Variants in BLK observed in about 807,000 individuals in gnomAD.
BLK encodes the protein BLK proto-oncogene, Src family tyrosine kinase.
BLK carries 64 observed loss-of-function variants against 61.8 expected under a neutral mutation model. The observed-to-expected ratio is 1.03, with a 90% CI of 0.85 to 1.27. The LOEUF is 1.27. Ranked by LOEUF, BLK falls within the 50% of genes most tolerant of loss-of-function variation. The pLI is 0.00. For synonymous variants in BLK, 351 were observed against 272.0 expected (o/e 1.29, Z -2.86); for missense variants, 853 against 660.5 (o/e 1.29, Z -3.19).
intron 6 of BLK, chr8:11,553,328 T>G: frequency 2.5e-6 from 1 of 403,620 alleles, no homozygotes; most frequent in Non-Finnish European, 4.9e-6. Flanking sequence ...AATCTTCATC[T>G]CAGAGCCAGG....
intron 11 of BLK, 22 bp from the exon 12 acceptor site, chr8:11,562,957 G>A (rs765140289): frequency 6.2e-7 from 1 of 1,613,862 alleles, no homozygotes; most frequent in Non-Finnish European, 8.5e-7. Context: ...GCCTCCCAAA[G>A]CTTGCATGGC....
chr8:11,511,705 CA>C (rs1799014473), intron 1 of BLK, among the ~76,000 whole-genome samples: 2 of 152,106 alleles, frequency 1.3e-5, no homozygotes, highest in Non-Finnish European at 1.5e-5. Flanking sequence ...TGAAATACGG[CA>C]AACAGTCATG....
chr8:11,546,855 C>A (rs529091751), intron 3 of BLK, among the ~76,000 whole-genome samples: 1 of 152,220 alleles, frequency 6.6e-6, no homozygotes, highest in Non-Finnish European at 1.5e-5. Context: ...GGATTACAGG[C>A]GTGAGCCACT....
chr8:11,537,118 G>A (rs1800164631), intron 1 of BLK, among the ~76,000 whole-genome samples: 2 of 152,224 alleles, frequency 1.3e-5, no homozygotes, highest in Non-Finnish European at 1.5e-5. Flanking sequence ...AGGTGAGGAA[G>A]CCTCATTTCA....
chr8:11,548,970 G>A (rs1219306158), intron 4 of BLK, 54 bp from the exon 5 acceptor site: 18 of 1,491,878 alleles, frequency 1.2e-5, no homozygotes, highest in Non-Finnish European at 1.6e-5. Flanking sequence ...GAGCTGCCCA[G>A]TGACGGGCCT....
At chr8:11,512,594 T>C (rs1402729578) in intron 1 of BLK, among the ~76,000 whole-genome samples, 5 of 152,234 alleles carry the variant, frequency 3.3e-5, no homozygotes, top group South Asian at 4.1e-4. Context: ...ACTTTATAGA[T>C]AAAGCCATTG....
chr8:11,560,788 T>A, intron 10 of BLK: 1 of 448,802 alleles, frequency 2.2e-6, no homozygotes, highest in Non-Finnish European at 4.5e-6. Flanking sequence ...CCCCCTGCCC[T>A]GGAGACCACA....
rs1801113600 is a variant in BLK at position 11,554,794 on chromosome 8, A to G, written c.524A>G (p.Lys175Arg). Reference sequence around the variant, plus strand: ...GTCACCACCCAGGGGGAGCTGATCAAGCACTATAAGATCCGCTGCCTGGAT... The same window carrying G: ...GTCACCACCCAGGGGGAGCTGATCAGGCACTATAAGATCCGCTGCCTGGAT... ...KDVTTQGELI[K>R]HYKIRCLDEG... Residue 175 changes from lysine to arginine, a missense_variant, in exon 7 of 13, where the codon AAG becomes AGG. Transcript: ENST00000259089. 1.2e-6 allele frequency: 2 copies of G among 1,614,088 alleles called. No individual in the cohort carries two copies. The highest frequency in any genetic ancestry group is 1.7e-6 in the Non-Finnish European group (2 of 1,180,018).
chr8:11,556,936 G>T (rs995140875), intron 9 of BLK, 99 bp downstream of exon 9: 3 of 1,362,550 alleles, frequency 2.2e-6, no homozygotes, highest in African/African-American at 1.5e-5. Context: ...CAGGCCAGGG[G>T]GTCCTGCAGA....
intron 1 of BLK, among the ~76,000 whole-genome samples, chr8:11,536,374 C>A (rs956354824): frequency 1.6e-4 from 24 of 152,144 alleles, no homozygotes; most frequent in Middle Eastern, 3.4e-3. Flanking sequence ...TAGAAGAGTT[C>A]TATTATTATT....
chr8:11,502,851 T>C (rs1467400121), intron 1 of BLK, among the ~76,000 whole-genome samples: 2 of 152,034 alleles, frequency 1.3e-5, no homozygotes, highest in African/African-American at 4.8e-5. Flanking sequence ...TGACCCTGCT[T>C]TGTGCTCGGT....
intron 11 of BLK, among the ~76,000 whole-genome samples, 164 bp from the exon 12 acceptor site, chr8:11,562,815 C>T (rs1355049726): frequency 6.6e-6 from 1 of 152,240 alleles, no homozygotes; most frequent in African/African-American, 2.4e-5. Flanking sequence ...GTCATGTGTC[C>T]TGGTGTGCGG....
At chr8:11,544,946 CCT>C (rs1354306279) in intron 2 of BLK, among the ~76,000 whole-genome samples, 3 of 152,202 alleles carry the variant, frequency 2.0e-5, no homozygotes, top group South Asian at 2.1e-4. Context: ...TCCTCCCTCC[CCT>C]GTTTGTACCC....
intron 1 of BLK, among the ~76,000 whole-genome samples, chr8:11,536,928 T>A (rs1422010841): frequency 6.6e-6 from 1 of 152,166 alleles, no homozygotes; most frequent in Non-Finnish European, 1.5e-5. Flanking sequence ...TTCCTCCTTA[T>A]TTTCCTGTGA....
At chr8:11,555,230 G>A in intron 7 of BLK, 102 bp from the exon 8 acceptor site, 1 of 1,483,480 alleles carries the variant, frequency 6.7e-7, no homozygotes, top group African/African-American at 1.4e-5. Context: ...CAGGGGGTGG[G>A]GTGGCTGGGG....
At chr8:11,555,279 AG>A in intron 7 of BLK, 52 bp from the exon 8 acceptor site, 1 of 1,611,586 alleles carries the variant, frequency 6.2e-7, no homozygotes, top group Non-Finnish European at 8.5e-7. Context: ...CTCCCAAGGT[AG>A]AGCCTGGCTG....
intron 5 of BLK, among the ~76,000 whole-genome samples, chr8:11,549,329 G>A (rs188683421): frequency 6.6e-6 from 1 of 152,174 alleles, no homozygotes; most frequent in Non-Finnish European, 1.5e-5. Flanking sequence ...TGAGCAAGCC[G>A]CTCTTCCCAG....
chr8:11,511,965 GT>G (rs1799025888), intron 1 of BLK, among the ~76,000 whole-genome samples: 1 of 152,100 alleles, frequency 6.6e-6, no homozygotes, highest in South Asian at 2.1e-4. Flanking sequence ...TTACGTTTGG[GT>G]TTTCTGTGAT....
chr8:11,551,303 A>AGC (rs1800891161), intron 6 of BLK, among the ~76,000 whole-genome samples: 1 of 152,116 alleles, frequency 6.6e-6, no homozygotes, highest in Admixed American at 6.5e-5. Flanking sequence ...AAGTGTCAGC[A>AGC]GCGTTGGCTC....
Sources: gnomAD v4.1 joint callset for allele counts (sites outside exome capture counted in the v4.1 genomes callset) on GRCh38, gnomAD v4.1.1 for gene constraint, MANE v1.5 for transcripts, NCBI Gene and HGNC (gene_info 2026-07-23, HGNC 2026-07-21) for gene names.